The following RSRC1 variants were observed in gnomAD, a reference collection of about 807,000 sequenced individuals.
The protein encoded by RSRC1 is serine/Arginine-related protein 53.
A neutral mutation model predicts 49.1 loss-of-function variants in RSRC1; 39 were observed. That is an observed-to-expected ratio of 0.79 (90% CI 0.61 to 1.04). RSRC1 has a LOEUF of 1.04. RSRC1 is among the 50% of genes least tolerant of loss of function. The pLI, the probability that RSRC1 is intolerant of heterozygous loss-of-function variation, is 0.00. For synonymous variants in RSRC1, 143 were observed against 130.8 expected, an observed-to-expected ratio of 1.09 and a Z score of -0.63; for missense variants, 388 against 402.4, an observed-to-expected ratio of 0.96 and a Z score of 0.31.
intron 5 of RSRC1, among the ~76,000 whole-genome samples, chr3:158,321,662 T>C (rs1188580605): frequency 1.3e-5 from 2 of 151,840 alleles, no homozygotes; most frequent in Non-Finnish European, 2.9e-5. Flanking sequence ...GTATTTGCCT[T>C]TAAAAGTAAT....
intron 4 of RSRC1, among the ~76,000 whole-genome samples, chr3:158,264,347 C>G (rs1725053133): frequency 6.6e-6 from 1 of 152,058 alleles, no homozygotes; most frequent in African/African-American, 2.4e-5. Flanking sequence ...TTTTTGTAAC[C>G]TATTTCTAAT....
intron 6 of RSRC1, among the ~76,000 whole-genome samples, chr3:158,420,851 T>C (rs1735005675): frequency 6.6e-6 from 1 of 151,938 alleles, no homozygotes; most frequent in Non-Finnish European, 1.5e-5. Context: ...TGTTAGATGC[T>C]AGGAGACAGT....
chr3:158,486,512 G>A (rs1458792441), intron 7 of RSRC1, among the ~76,000 whole-genome samples: 1 of 152,132 alleles, frequency 6.6e-6, no homozygotes, highest in African/African-American at 2.4e-5. Context: ...GTAGAAATAA[G>A]CTCCAGTAAA....
chr3:158,493,323 C>T (rs1739166593), intron 7 of RSRC1, among the ~76,000 whole-genome samples: 1 of 152,008 alleles, frequency 6.6e-6, no homozygotes, highest in South Asian at 2.1e-4. Context: ...AGGTCCTGTA[C>T]TCATGTTTTA....
intron 5 of RSRC1, among the ~76,000 whole-genome samples, chr3:158,332,651 T>G (rs1372791687): frequency 2.0e-5 from 3 of 152,270 alleles, no homozygotes; most frequent in South Asian, 4.1e-4. Flanking sequence ...TTTCCTTTTG[T>G]CATAATATCC....
chr3:158,207,323 CCT>C (rs1358503815), intron 4 of RSRC1, among the ~76,000 whole-genome samples: 1 of 152,110 alleles, frequency 6.6e-6, no homozygotes. Flanking sequence ...TTCTTTTCTC[CCT>C]CTCTCTTCGT....
At chr3:158,237,202 G>A (rs1332258085) in intron 4 of RSRC1, among the ~76,000 whole-genome samples, 2 of 152,140 alleles carry the variant, frequency 1.3e-5, no homozygotes, top group Non-Finnish European at 2.9e-5. Flanking sequence ...ACCATGGACT[G>A]TCTTATACAA....
At chr3:158,534,686 G>A (rs1712618291) in intron 7 of RSRC1, among the ~76,000 whole-genome samples, 1 of 151,536 alleles carries the variant, frequency 6.6e-6, no homozygotes, top group Non-Finnish European at 1.5e-5. Context: ...TGTGAAAGCA[G>A]AAGACTAGAA....
intron 3 of RSRC1, among the ~76,000 whole-genome samples, chr3:158,146,068 T>A (rs575013641): frequency 1.3e-5 from 2 of 152,228 alleles, no homozygotes; most frequent in African/African-American, 4.8e-5. Context: ...AATCATGTCA[T>A]CTGCAAACAG....
chr3:158,151,871 A>G (rs758058527), intron 3 of RSRC1, among the ~76,000 whole-genome samples: 13 of 152,068 alleles, frequency 8.5e-5, no homozygotes, highest in Non-Finnish European at 1.8e-4. Flanking sequence ...AGTATAAGAA[A>G]CCTCACAAAA....
intron 4 of RSRC1, among the ~76,000 whole-genome samples, chr3:158,224,292 A>G (rs1722396470): frequency 6.6e-6 from 1 of 151,842 alleles, no homozygotes; most frequent in Admixed American, 6.6e-5. Context: ...TTAATGTAGA[A>G]TATTTTAAGT....
chr3:158,512,644 C>T (rs1740256075), intron 7 of RSRC1, among the ~76,000 whole-genome samples: 1 of 150,962 alleles, frequency 6.6e-6, no homozygotes, highest in Non-Finnish European at 1.5e-5. Flanking sequence ...TTTTCCAATT[C>T]TGTGAAGAAA....
intron 4 of RSRC1, among the ~76,000 whole-genome samples, chr3:158,272,048 T>C (rs571331757): frequency 1.7e-4 from 26 of 152,306 alleles, no homozygotes; most frequent in East Asian, 5.8e-4. Flanking sequence ...TGTTTTTTTT[T>C]CCAAAGGATT....
chr3:158,543,550 G>A, intron 9 of RSRC1, 63 bp downstream of exon 9: 1 of 1,505,272 alleles, frequency 6.6e-7, no homozygotes, highest in South Asian at 1.3e-5. Context: ...ATTTCAATCT[G>A]TTATCCTTTT....
chr3:158,292,693 C>G (rs1206989375), intron 4 of RSRC1, among the ~76,000 whole-genome samples: 2 of 152,010 alleles, frequency 1.3e-5, no homozygotes, highest in East Asian at 3.8e-4. Context: ...TGTTGCCTCT[C>G]TATTTTTTCA....
At chr3:158,537,818 ACT>A (rs1249681963) in intron 8 of RSRC1, among the ~76,000 whole-genome samples, 2 of 151,794 alleles carry the variant, frequency 1.3e-5, no homozygotes, top group Admixed American at 1.3e-4. Flanking sequence ...TATAATTAAC[ACT>A]CTAAAATATT....
intron 5 of RSRC1, among the ~76,000 whole-genome samples, chr3:158,331,658 A>G (rs1475459637): frequency 1.3e-5 from 2 of 152,068 alleles, no homozygotes; most frequent in East Asian, 3.8e-4. Context: ...TTAACAAATG[A>G]TTAAGTATCA....
rs996555127 is a variant in RSRC1 at position 158,485,425 on chromosome 3, A to C, written c.652+24422A>C. ...TTTTAAAATCTAACACAAAGGATAT[A>C]AAATGAATATATTAAGATAATTCAT... On this transcript the variant is annotated intron_variant, in intron 7 of 9. Coordinates refer to ENST00000611884, the MANE Select transcript of RSRC1 (RefSeq NM_001271838.2). Among the ~76,000 whole-genome samples the C allele has an allele frequency of 3.9e-4, 60 of 152,266 alleles. 1 individual carries two copies. The highest frequency in any genetic ancestry group is 2.0e-4 in the Admixed American group (3 of 15,278).
rs577926035 is a variant in RSRC1, at chr3:158,279,274, C to T, written c.495-18765C>T. On this transcript the variant is annotated intron_variant, in intron 4 of 9. Coordinates refer to ENST00000611884, the MANE Select transcript of RSRC1 (RefSeq NM_001271838.2). ...TTGCAACGCCTCAGCTATTGTTAAT[C>T]GCATTAAAGCAGCCATAGAAATACA... 3.3e-5 allele frequency among the ~76,000 whole-genome samples: 5 copies of T among 152,308 alleles called. No homozygotes were observed. The South Asian group carries it at 8.3e-4, about 25-fold the overall frequency.
Sources: allele counts gnomAD v4.1 joint callset (sites outside exome capture counted in the v4.1 genomes callset), GRCh38; gene constraint gnomAD v4.1.1; transcripts MANE v1.5; gene names NCBI Gene and HGNC (gene_info 2026-07-23, HGNC 2026-07-21).